NEBL: variants seen among roughly 807,000 people sequenced by gnomAD.
NEBL encodes the protein LIM and SH3 protein 2.
A neutral mutation model predicts 140.2 loss-of-function variants in NEBL; 122 were observed. The observed-to-expected ratio is 0.87, with a 90% confidence interval of 0.75 to 1.01. NEBL has a LOEUF of 1.01. NEBL is among the 50% of genes least tolerant of loss of function. NEBL has a pLI of 0.00. For synonymous variants in NEBL, 436 were observed against 398.9 expected, an observed-to-expected ratio of 1.09 and a Z score of -1.11; for missense variants, 1,365 against 1,231.3, an observed-to-expected ratio of 1.11 and a Z score of -1.62.
rs1239745535 is a variant in NEBL, at chr10:21,238,553, T to A, written n.348+9368A>T. ...CATCTCTACTGAAAAAAAAAAAAAA[T>A]ACCAAAATTAGCTGGGCTTGATGGT... On this transcript the variant is annotated intron_variant and non_coding_transcript_variant, in intron 3 of 8. Coordinates refer to the NEBL transcript ENST00000675702. Among the ~76,000 whole-genome samples, 54 of 141,490 alleles carry A rather than the reference T, an allele frequency of 3.8e-4. 3 individuals are homozygous for A. In the East Asian group the frequency reaches 7.3e-3, roughly 19 times the overall value. The allele number at this position is 141,490 out of a possible 152,430, so 92.8% of individuals were successfully genotyped here.
In NEBL at chr10:20,823,208, A is replaced by G. The variant is rs4748728; in HGVS notation, c.1962T>C (p.Asn654=). The change falls in exon 19 of 28, where the codon AAT becomes AAC. Residue 654 remains asparagine (N), a splice_region_variant and synonymous_variant. Transcript: ENST00000377122. ...RVKENQKNIS[N]LQYKEQNYKA... ...AAAAATACTTAAGAAATATGATCAC[A>G]TTGCTGATGTTCTTCTGGTTTTCTT... 1 of 1,596,266 alleles carries G rather than the reference A, an allele frequency of 6.3e-7. No individual in the cohort carries two copies. Among genetic ancestry groups the G allele is most frequent in the African/African-American group, 1.3e-5 (1 of 74,400 alleles).
chr10:20,864,007 T>C (rs910929318), intron 7 of NEBL, among the ~76,000 whole-genome samples: 1 of 152,188 alleles, frequency 6.6e-6, no homozygotes, highest in Non-Finnish European at 1.5e-5. Flanking sequence ...GGCCACTGCT[T>C]ACTACTAAAT....
chr10:21,010,753 T>C (rs1317677728), intron 3 of NEBL, among the ~76,000 whole-genome samples: 1 of 152,234 alleles, frequency 6.6e-6, no homozygotes, highest in African/African-American at 2.4e-5. Context: ...ATGGCATAAA[T>C]GACTTTGAAC....
chr10:21,208,401 TA>T (rs1181337605), intron 3 of NEBL, among the ~76,000 whole-genome samples: 1 of 152,154 alleles, frequency 6.6e-6, no homozygotes, highest in African/African-American at 2.4e-5. Flanking sequence ...TCTGAGGCAA[TA>T]GGTACTGAAC....
chr10:20,841,470 CT>C (rs906556529), intron 12 of NEBL: 1 of 152,556 alleles, frequency 6.6e-6, no homozygotes, highest in Non-Finnish European at 1.5e-5. Context: ...TAGGTATTTA[CT>C]TTACCCTTTT....
chr10:21,271,910 T>A (rs1272504392), intron 1 of NEBL, among the ~76,000 whole-genome samples: 4 of 152,152 alleles, frequency 2.6e-5, no homozygotes, highest in Non-Finnish European at 5.9e-5. Context: ...GGTAATCACT[T>A]CATAGTGCAT....
In NEBL at chr10:21,044,929, A is replaced by T. The variant is rs1267325391; in HGVS notation, c.165-24728T>A. Among the ~76,000 whole-genome samples, 10 of 152,354 alleles carry T rather than the reference A, an allele frequency of 6.6e-5. No individual in the cohort carries two copies. The East Asian group carries it at 1.9e-3, about 29-fold the overall frequency. On this transcript the variant is annotated intron_variant, in intron 2 of 6. Transcript: ENST00000417816. ...GAATAAATGAATTACTAAAAGACTG[A>T]TTAACTGAAAGAATGATACAACAAA...
chr10:20,936,685 A>C (rs1380225815), intron 4 of NEBL, among the ~76,000 whole-genome samples: 1 of 152,188 alleles, frequency 6.6e-6, no homozygotes, highest in African/African-American at 2.4e-5. Context: ...AATCTAAATA[A>C]ATAATGCAGT....
At chr10:20,875,002 G>A (rs757519030) in intron 5 of NEBL, among the ~76,000 whole-genome samples, 7 of 152,234 alleles carry the variant, frequency 4.6e-5, no homozygotes, top group East Asian at 1.9e-4. Flanking sequence ...GCCTCCCAAC[G>A]TGCTAGGATT....
At chr10:21,057,302 G>T (rs1835067051) in intron 2 of NEBL, among the ~76,000 whole-genome samples, 1 of 152,068 alleles carries the variant, frequency 6.6e-6, no homozygotes, top group South Asian at 2.1e-4. Flanking sequence ...AGTAATGTGT[G>T]TAAGTAGTAT....
intron 3 of NEBL, among the ~76,000 whole-genome samples, chr10:20,996,572 G>A (rs980420416): frequency 1.3e-5 from 2 of 152,078 alleles, no homozygotes; most frequent in African/African-American, 4.8e-5. Flanking sequence ...ACTTGTCCGA[G>A]GACACATAGT....
intron 3 of NEBL, among the ~76,000 whole-genome samples, chr10:21,181,079 T>C (rs1194965096): frequency 6.6e-6 from 1 of 151,892 alleles, no homozygotes; most frequent in African/African-American, 2.4e-5. Flanking sequence ...CTGACCAACA[T>C]GGCAAAACCC....
At chr10:21,127,267 T>C (rs1838883209) in intron 2 of NEBL, among the ~76,000 whole-genome samples, 1 of 152,066 alleles carries the variant, frequency 6.6e-6, no homozygotes, top group South Asian at 2.1e-4. Context: ...TTTCAAGATA[T>C]CAAATACATA....
At chr10:20,836,870 CAAG>C (rs1840944874) in intron 13 of NEBL, among the ~76,000 whole-genome samples, 2 of 151,782 alleles carry the variant, frequency 1.3e-5, no homozygotes, top group East Asian at 1.9e-4. Context: ...TTAGCTGAAC[CAAG>C]AAGAAGTCCT....
intron 4 of NEBL, among the ~76,000 whole-genome samples, chr10:20,953,491 C>T (rs1009843463): frequency 6.8e-6 from 1 of 147,760 alleles, no homozygotes; most frequent in Non-Finnish European, 1.5e-5. Flanking sequence ...CCTGAGCAGA[C>T]TAAGACAAGC....
intron 3 of NEBL, among the ~76,000 whole-genome samples, chr10:21,199,392 A>G (rs1841699992): frequency 6.6e-6 from 1 of 152,204 alleles, no homozygotes; most frequent in African/African-American, 2.4e-5. Flanking sequence ...AAGATTTAAC[A>G]GAAAGTCCTA....
intron 4 of NEBL, among the ~76,000 whole-genome samples, chr10:20,932,089 C>T (rs958695633): frequency 2.0e-5 from 3 of 152,136 alleles, no homozygotes; most frequent in African/African-American, 7.2e-5. Flanking sequence ...ATGTTTTATC[C>T]ATCTATCTCC....
chr10:20,785,870 G>A lies in NEBL; in HGVS notation c.2922C>T (p.Ser974=), dbSNP rs1330596439. 1 of 1,614,034 alleles carries A rather than the reference G, an allele frequency of 6.2e-7. No homozygotes were observed. The highest frequency in any genetic ancestry group is 8.5e-7 in the Non-Finnish European group (1 of 1,179,940). The change falls in exon 28 of 28, where the codon TCC becomes TCT. Residue 974 remains serine, a synonymous_variant. Transcript: ENST00000377122. ...TGACGATGTAGTCGCCGTCTCTAAAGGAGACCTCGTCTTCATCCTGGGCAC... is the reference window on the plus strand; with the variant it reads ...TGACGATGTAGTCGCCGTCTCTAAAAGAGACCTCGTCTTCATCCTGGGCAC... ...DYSAQDEDEV[S]FRDGDYIVNV... is the part of the protein sequence containing the mutation.
chr10:21,034,256 T>C (rs924665433), intron 2 of NEBL, among the ~76,000 whole-genome samples: 5 of 150,042 alleles, frequency 3.3e-5, no homozygotes, highest in African/African-American at 1.2e-4. Flanking sequence ...AATACTATGG[T>C]CTATAAATGT....
Sources: gnomAD v4.1 joint callset for allele counts (sites outside exome capture counted in the v4.1 genomes callset) on GRCh38, gnomAD v4.1.1 for gene constraint, MANE v1.5 for transcripts, NCBI Gene and HGNC (gene_info 2026-07-23, HGNC 2026-07-21) for gene names.